PRRC2B: variants seen among roughly 807,000 people sequenced by gnomAD.
PRRC2B encodes the protein protein PRRC2B.
Under a neutral mutation model 242.3 loss-of-function variants are expected in PRRC2B, and 68 were observed. The observed-to-expected ratio is 0.28, with a 90% CI of 0.23 to 0.34. The LOEUF (loss-of-function observed/expected upper bound fraction) is 0.34, where lower values mean the gene tolerates loss of function less well. PRRC2B is among the 10% of genes least tolerant of loss of function. The probability of loss-of-function intolerance (pLI) is 1.00; values close to 1 mark genes in which losing one functional copy is unlikely to be tolerated. For missense variants in PRRC2B, 2,835 were observed against 2,954.8 expected (o/e 0.96, Z 0.94); for synonymous variants, 1,228 against 1,173.6 (o/e 1.05, Z -0.95).
intron 1 of PRRC2B, among the ~76,000 whole-genome samples, chr9:131,386,191 C>T (rs1167794316): frequency 6.7e-6 from 1 of 150,128 alleles, no homozygotes; most frequent in Non-Finnish European, 1.5e-5. Context: ...TGTCTCACTG[C>T]AGCCTCGACT....
In PRRC2B at chr9:131,491,544, C is replaced by T. The variant is rs1470257147; in HGVS notation, c.6345C>T (p.Pro2115=). The T allele has an allele frequency of 1.1e-5, 17 of 1,611,130 alleles. No individual in the cohort carries two copies. Among genetic ancestry groups the T allele is most frequent in the Middle Eastern group, 1.6e-4 (1 of 6,074 alleles). ...GGGCCCCCCGAAGGATTCCTCCGCC[C>T]GGGTCCCAGCCGCCAGTCCTGAACA... is the stretch of plus-strand genomic sequence containing the variant. ...SVGAPRRIPP[P]GSQPPVLNTS... is the part of the protein sequence containing the mutation. Residue 2115 remains proline, a synonymous_variant, in exon 29 of 32, where the codon CCC becomes CCT. Transcript: ENST00000683519.
In PRRC2B at chr9:131,476,257, G is replaced by A. The variant is rs1306557700; in HGVS notation, c.4128G>A (p.Thr1376=). Residue 1376 remains threonine (T), a synonymous_variant, in exon 16 of 32, where the codon ACG becomes ACA. Transcript: ENST00000683519. ...SSDHANEEWE[T]ASESSDFSER... is the part of the protein sequence containing the mutation. ...ATCACGCCAATGAGGAGTGGGAGAC[G>A]GCCTCCGAAAGCAGCGACTTCAGCG... 6.8e-6 allele frequency: 11 copies of A among 1,611,766 alleles called. No homozygotes were observed. The highest frequency in any genetic ancestry group is 1.7e-4 in the Middle Eastern group (1 of 6,054).
chr9:131,442,204 C>G (rs781063293), intron 5 of PRRC2B, among the ~76,000 whole-genome samples: 1 of 151,464 alleles, frequency 6.6e-6, no homozygotes, highest in Non-Finnish European at 1.5e-5. Flanking sequence ...GCAGTTTTGG[C>G]TCACTATAGC....
At chr9:131,485,666 C>CT in intron 25 of PRRC2B, 1 of 538,782 alleles carries the variant, frequency 1.9e-6, no homozygotes, top group South Asian at 1.4e-5. Flanking sequence ...AGCTGCCAGT[C>CT]TCAGTGATGT....
intron 1 of PRRC2B, among the ~76,000 whole-genome samples, chr9:131,407,104 C>G (rs1407037472): frequency 6.6e-6 from 1 of 152,160 alleles, no homozygotes; most frequent in Non-Finnish European, 1.5e-5. Flanking sequence ...CATTGTAATT[C>G]TTTGCACACC....
chr9:131,421,084 C>T (rs572313675), intron 1 of PRRC2B, among the ~76,000 whole-genome samples: 2 of 152,214 alleles, frequency 1.3e-5, no homozygotes, highest in Non-Finnish European at 2.9e-5. Context: ...ACGACGACAG[C>T]CTCAGGCAGA....
chr9:131,488,235 C>T (rs977235813), intron 28 of PRRC2B, 139 bp downstream of exon 28: 43 of 1,190,760 alleles, frequency 3.6e-5, no homozygotes, highest in Non-Finnish European at 4.8e-5. Context: ...CCTCAGCGTG[C>T]AGGAAATCAG....
At chr9:131,481,098 G>A (rs1387127761) in intron 19 of PRRC2B, among the ~76,000 whole-genome samples, 3 of 151,676 alleles carry the variant, frequency 2.0e-5, no homozygotes, top group East Asian at 3.9e-4. Context: ...TCAGGAGATC[G>A]AGACCATCCT....
In PRRC2B at chr9:131,464,753, C is replaced by T. The variant is rs1943343493; in HGVS notation, c.1405-10C>T. 6.4e-7 allele frequency: 1 copy of T among 1,567,570 alleles called. No homozygotes were observed. Among genetic ancestry groups the T allele is most frequent in the Non-Finnish European group, 8.7e-7 (1 of 1,154,346 alleles). On this transcript the variant is annotated splice_polypyrimidine_tract_variant and intron_variant, in intron 11 of 31. Coordinates refer to ENST00000683519, the MANE Select transcript of PRRC2B (RefSeq NM_013318.4). ...CCCACCGCCTTATCTCAGAGACATT[C>T]TCTTGGCAGAAGTCATCAATGGGCA...
rs539209261 is a variant in PRRC2B at position 131,498,605 on chromosome 9, C to CA, written c.*2734dup. The CA allele has an allele frequency of 7.2e-4, 110 of 152,358 alleles. No individual in the cohort carries two copies. The highest frequency in any genetic ancestry group is 2.6e-3 in the African/African-American group (107 of 41,580). The allele number at this position is 152,358 out of a possible 1,614,324, so 9.4% of individuals were successfully genotyped here. Reference sequence around the variant, plus strand: ...AGGACGTAGGGTCTTATTTTGTTTTCAAACCCCCATCCTCAGAGCGCAGAT... The same window carrying CA: ...AGGACGTAGGGTCTTATTTTGTTTTCAAAACCCCCATCCTCAGAGCGCAGAT... On this transcript the variant is annotated 3_prime_UTR_variant, in exon 32 of 32. Coordinates refer to ENST00000683519, the MANE Select transcript of PRRC2B (RefSeq NM_013318.4).
rs1165485887 is a variant in PRRC2B at position 131,396,325 on chromosome 9, C to CT, written c.-52+2082dup. On this transcript the variant is annotated intron_variant, in intron 1 of 31. Transcript: ENST00000683519. Reference sequence around the variant, plus strand: ...CCTTCCTTCTTTTTTCTTTTCTTTTCTTTTTTTTTTTTTTTTTTTTGAGAC... The same window carrying CT: ...CCTTCCTTCTTTTTTCTTTTCTTTTCTTTTTTTTTTTTTTTTTTTTTGAGAC... Among the ~76,000 whole-genome samples, 765 of 132,956 alleles carry CT rather than the reference C, an allele frequency of 5.8e-3. 14 individuals are homozygous for CT. Among genetic ancestry groups the CT allele is most frequent in the African/African-American group, 0.019 (646 of 33,822 alleles). The allele number at this position is 132,956 out of a possible 152,430, so 87.2% of individuals were successfully genotyped here.
chr9:131,375,353 T>G (rs1465594581), intron 1 of PRRC2B, among the ~76,000 whole-genome samples: 1 of 151,666 alleles, frequency 6.6e-6, no homozygotes, highest in Non-Finnish European at 1.5e-5. Flanking sequence ...GAGCCGAGAT[T>G]GCGTCACAGC....
intron 19 of PRRC2B, 76 bp downstream of exon 19, chr9:131,479,469 C>G: frequency 6.9e-7 from 1 of 1,438,910 alleles, no homozygotes; most frequent in Non-Finnish European, 9.5e-7. Flanking sequence ...TGGGGAGGAT[C>G]CTGCTTTTGA....
chr9:131,496,214 A>G lies in PRRC2B; in HGVS notation c.*340A>G, dbSNP rs1176386486. On this transcript the variant is annotated 3_prime_UTR_variant, in exon 32 of 32. Transcript: ENST00000683519. Reference sequence around the variant, plus strand: ...TGCCGCGCAGCCAGGGCGCCTTCTCAGCAGTGCTTCCGGCCCAGCCGCCCA... The same window carrying G: ...TGCCGCGCAGCCAGGGCGCCTTCTCGGCAGTGCTTCCGGCCCAGCCGCCCA... The G allele has an allele frequency of 1.3e-5, 3 of 227,932 alleles. No homozygotes were observed. The highest frequency in any genetic ancestry group is 1.8e-4 in the East Asian group (2 of 11,032). The allele number at this position is 227,932 out of a possible 1,614,324, so 14.1% of individuals were successfully genotyped here. A position where few individuals can be genotyped will look rare whatever the true frequency, so the allele number is the denominator to read the frequency against.
At chr9:131,455,030 C>CT (rs1943032822) in intron 9 of PRRC2B, 46 bp from the exon 10 acceptor site, 1 of 1,511,434 alleles carries the variant, frequency 6.6e-7, no homozygotes, top group Non-Finnish European at 9.1e-7. Context: ...CCACCACTGA[C>CT]TTTTTCATTC....
upstream of PRRC2B, among the ~76,000 whole-genome samples, chr9:131,390,704 G>A (rs535862268): frequency 1.3e-5 from 2 of 149,312 alleles, no homozygotes; most frequent in Non-Finnish European, 1.5e-5. Context: ...GGATGGTCTC[G>A]ATCTCTTGAC....
Position 131,439,046 on chromosome 9 carries a change from G to A in PRRC2B, c.454G>A (p.Val152Ile). The A allele has an allele frequency of 6.2e-7, 1 of 1,613,796 alleles. No homozygotes were observed. Among genetic ancestry groups the A allele is most frequent in the Non-Finnish European group, 8.5e-7 (1 of 1,179,778 alleles). ...ATGGGCACAGCTGAATGGAAAGCCA[G>A]TAGGACACGAAGGTGGTAAGTGCGC... ...KSWAQLNGKP[V>I]GHEGGLRGSS... The change falls in exon 5 of 32, where the codon GTA becomes ATA. Residue 152 changes from valine (V) to isoleucine (I), a missense_variant. Transcript: ENST00000683519.
rs748692207 is a variant in PRRC2B, at chr9:131,482,827, G to A, written c.5293G>A (p.Val1765Ile). The A allele has an allele frequency of 5.6e-6, 9 of 1,608,834 alleles. No individual in the cohort carries two copies. Among genetic ancestry groups the A allele is most frequent in the East Asian group, 2.2e-5 (1 of 44,636 alleles). ...EGAERLQGAV[V>I]PPVNGVEIHV... ...GGCCGAGCGGCTGCAAGGGGCTGTC[G>A]TCCCGCCTGTTAACGGGGTGGAGAT... is the stretch of plus-strand genomic sequence containing the variant. The change falls in exon 22 of 32, where the codon GTC becomes ATC. Residue 1765 changes from valine to isoleucine, a missense_variant. This residue lies in a region of PRRC2B where 574 missense variants were observed against 626.0 expected (regional missense o/e 0.92). Transcript: ENST00000683519. The surrounding 1 kb of genome is among the most constrained non-coding windows in gnomAD (Gnocchi z 5.2).
At chr9:131,434,456 C>T (rs1276460050) in intron 3 of PRRC2B, among the ~76,000 whole-genome samples, 1 of 152,194 alleles carries the variant, frequency 6.6e-6, no homozygotes, top group African/African-American at 2.4e-5. Context: ...GTGTAGTTCT[C>T]TGCTGCCCCA....
Sources: allele counts gnomAD v4.1 joint callset (sites outside exome capture counted in the v4.1 genomes callset), GRCh38; gene constraint gnomAD v4.1.1; regional missense constraint gnomAD v4.1.1; non-coding constraint Gnocchi (gnomAD v3.1); transcripts MANE v1.5; gene names NCBI Gene and HGNC (gene_info 2026-07-23, HGNC 2026-07-21).